The following EME1 variants were observed in gnomAD, a reference collection of about 807,000 sequenced individuals.
The protein encoded by EME1 is essential meiotic structure-specific endonuclease 1.
A neutral mutation model predicts 59.1 loss-of-function variants in EME1; 61 were observed. That is an observed-to-expected ratio of 1.03 (90% confidence interval 0.84 to 1.28). The LOEUF is 1.28. Ranked by LOEUF, EME1 falls within the 50% of genes most tolerant of loss-of-function variation. EME1 has a pLI of 0.00. For synonymous variants in EME1, 230 were observed against 254.2 expected (o/e 0.90, Z 0.90); for missense variants, 635 against 682.6 (o/e 0.93, Z 0.78).
intron 3 of EME1, among the ~76,000 whole-genome samples, chr17:50,377,392 T>A (rs144888788): frequency 1.1e-3 from 160 of 152,280 alleles, no homozygotes; most frequent in African/African-American, 3.6e-3. Flanking sequence ...ACCTACACTT[T>A]GCTGTAATAT....
rs372182317 is a variant in EME1 at position 50,379,464 on chromosome 17, C to A, written c.1243C>A (p.Leu415Met). ...RVDAEEALVD[L>M]QLHTEAQAQI... is the part of the protein sequence containing the mutation. ...TTTGGGTTTCTAGGCATTGGTGGAT[C>A]TGCAGCTACACACAGAAGCCCAGGC... The change falls in exon 7 of 9, where the codon CTG becomes ATG. Residue 415 changes from leucine to methionine, a missense_variant. By Grantham distance (15) the Leu-to-Met change is conservative (BLOSUM62 2). Transcript: ENST00000338165. 1 of 1,614,086 alleles carries A rather than the reference C, an allele frequency of 6.2e-7. No individual in the cohort carries two copies. The highest frequency in any genetic ancestry group is 8.5e-7 in the Non-Finnish European group (1 of 1,180,006).
In EME1 at chr17:50,375,258, CTG is replaced by C; in HGVS notation, c.51_52del (p.Glu18GlyfsTer21). ...TCACTGGATTCTGGTGATAGTGACT[CTG>C]AGGAGTTGCCAACATTTGCCTTTCT... On this transcript the variant is annotated frameshift_variant, in exon 2 of 9. Transcript: ENST00000338165. LOFTEE classifies it high-confidence loss of function. 6.2e-7 allele frequency: 1 copy of C among 1,614,186 alleles called. No homozygotes were observed. Among genetic ancestry groups the C allele is most frequent in the Non-Finnish European group, 8.5e-7 (1 of 1,180,038 alleles).
In EME1 at chr17:50,373,281, A is replaced by G; in HGVS notation, c.-25+4A>G. 6.7e-7 allele frequency: 1 copy of G among 1,485,876 alleles called. No individual in the cohort carries two copies. Among genetic ancestry groups the G allele is most frequent in the African/African-American group, 1.4e-5 (1 of 71,568 alleles). The allele number at this position is 1,485,876 out of a possible 1,614,324, so 92.0% of individuals were successfully genotyped here. A position where few individuals can be genotyped will look rare whatever the true frequency, so the allele number is the denominator to read the frequency against. On this transcript the variant is annotated splice_donor_region_variant and intron_variant, in intron 1 of 8. Coordinates refer to ENST00000338165, the MANE Select transcript of EME1 (RefSeq NM_152463.4). Reference sequence around the variant, plus strand: ...AGAGTGGCGGGAGAAGTTGCAGGTGAGCGTCCCCGGTCGCAGGCCTGCGGA... The same window carrying G: ...AGAGTGGCGGGAGAAGTTGCAGGTGGGCGTCCCCGGTCGCAGGCCTGCGGA...
chr17:50,380,437 G>C lies in EME1; in HGVS notation c.1472G>C (p.Arg491Pro), dbSNP rs767213266. The C allele has an allele frequency of 3.7e-6, 6 of 1,614,220 alleles. No homozygotes were observed. Among genetic ancestry groups the C allele is most frequent in the African/African-American group, 1.3e-5 (1 of 75,058 alleles). ...VWRRQIQQLNRVSLEMASAVV... is the reference protein window; with the variant it reads ...VWRRQIQQLNPVSLEMASAVV... ...AGGAGACAGATTCAGCAGCTGAACC[G>C]AGTCAGCCTGGAAATGGCCAGTGCA... The change falls in exon 8 of 9, where the codon CGA (arginine) becomes CCA (proline). Residue 491 changes from arginine (R) to proline (P), a missense_variant. Arg to Pro is a moderately radical substitution (Grantham distance 103). Transcript: ENST00000338165.
At position 50,373,253 on chromosome 17, in the gene EME1, G is replaced by C. The variant is rs1032917434; in HGVS notation, c.-49G>C. 47 of 1,577,130 alleles carry C rather than the reference G, an allele frequency of 3.0e-5. No individual in the cohort carries two copies. Among genetic ancestry groups the C allele is most frequent in the Middle Eastern group, 3.4e-4 (2 of 5,966 alleles). On this transcript the variant is annotated 5_prime_UTR_variant, in exon 1 of 9. Coordinates refer to ENST00000338165, the MANE Select transcript of EME1 (RefSeq NM_152463.4). ...TACTTCCGGGCCCTGCGTGGCAGTT[G>C]AAAGAGTGGCGGGAGAAGTTGCAGG...
chr17:50,374,521 G>A (rs550372752), intron 1 of EME1, among the ~76,000 whole-genome samples: 5 of 152,194 alleles, frequency 3.3e-5, no homozygotes, highest in East Asian at 1.9e-4. Flanking sequence ...TTATACGCAT[G>A]AGCTACCATG....
At chr17:50,379,342 G>A in intron 6 of EME1, 110 bp from the exon 7 acceptor site, 1 of 1,587,392 alleles carries the variant, frequency 6.3e-7, no homozygotes, top group South Asian at 1.1e-5. Context: ...CTGACTAAGA[G>A]AAGGTACCAA....
intron 1 of EME1, among the ~76,000 whole-genome samples, chr17:50,373,526 T>G (rs1267940733): frequency 6.6e-6 from 1 of 152,252 alleles, no homozygotes; most frequent in Non-Finnish European, 1.5e-5. Context: ...CTTAGCCAGC[T>G]GTGTGCCAGA....
chr17:50,378,294 G>C (rs779805780), intron 3 of EME1, among the ~76,000 whole-genome samples: 3 of 151,402 alleles, frequency 2.0e-5, no homozygotes, highest in Non-Finnish European at 4.4e-5. Flanking sequence ...CTTGATCTCC[G>C]ACCTCGTGAT....
chr17:50,377,517 A>G (rs1266843460), intron 3 of EME1, among the ~76,000 whole-genome samples: 2 of 152,156 alleles, frequency 1.3e-5, no homozygotes, highest in African/African-American at 4.8e-5. Flanking sequence ...GGCATCCTTG[A>G]CTTTGATTAT....
chr17:50,378,411 A>G (rs1197642361), intron 3 of EME1, among the ~76,000 whole-genome samples, 184 bp from the exon 4 acceptor site: 1 of 152,098 alleles, frequency 6.6e-6, no homozygotes, highest in African/African-American at 2.4e-5. Context: ...GGGCACCAAG[A>G]CTGAATCATT....
rs1240704978 is a variant in EME1 at position 50,378,666 on chromosome 17, C to T, written c.975C>T (p.Ile325=). Residue 325 remains isoleucine (I), a synonymous_variant, in exon 4 of 9, where the codon ATC becomes ATT. Coordinates refer to ENST00000338165, the MANE Select transcript of EME1 (RefSeq NM_152463.4). ...LLRAEAFVSM[I]DNGKQGSLDS... is the part of the protein sequence containing the mutation. ...GGGCAGAGGCATTTGTGTCCATGATCGACAATGGAAAGCAGGTGGGCAGAG... is the reference window on the plus strand; with the variant it reads ...GGGCAGAGGCATTTGTGTCCATGATTGACAATGGAAAGCAGGTGGGCAGAG... 2 of 1,614,046 alleles carry T rather than the reference C, an allele frequency of 1.2e-6. No homozygotes were observed. The highest frequency in any genetic ancestry group is 1.1e-5 in the South Asian group (1 of 91,060).
At chr17:50,380,122 A>G in intron 7 of EME1, 190 bp from the exon 8 acceptor site, 1 of 569,430 alleles carries the variant, frequency 1.8e-6, no homozygotes. Flanking sequence ...TAGTTTTTAA[A>G]TGAATCAGCA....
In EME1 at chr17:50,378,861, T is replaced by A; in HGVS notation, c.1078T>A (p.Ser360Thr). The stretch of plus-strand genomic sequence containing the variant: ...AGCAAAGACAGCAGGGAAAGCTCTG[T>A]CACTGGTGATTGTGGATCAGGAGAA... Reference protein sequence around the residue: ...ITAKTAGKALSLVIVDQEKCF... With the variant: ...ITAKTAGKALTLVIVDQEKCF... The change falls in exon 5 of 9, where the codon TCA becomes ACA. Residue 360 changes from serine (S) to threonine (T), a missense_variant. Physicochemically the swap from Ser to Thr is moderately conservative, Grantham distance 58. Coordinates refer to ENST00000338165, the MANE Select transcript of EME1 (RefSeq NM_152463.4). 6.2e-7 allele frequency: 1 copy of A among 1,614,204 alleles called. No individual in the cohort carries two copies. The highest frequency in any genetic ancestry group is 8.5e-7 in the Non-Finnish European group (1 of 1,180,024).
In EME1 at chr17:50,373,596, G is replaced by T. The variant is rs185092875; in HGVS notation, c.-25+319G>T. Among the ~76,000 whole-genome samples, 309 of 152,342 alleles carry T rather than the reference G, an allele frequency of 2.0e-3. 3 individuals carry two copies. The highest frequency in any genetic ancestry group is 7.1e-3 in the African/African-American group (294 of 41,582). On this transcript the variant is annotated intron_variant, in intron 1 of 8. Transcript: ENST00000338165. ...TTAATTCTCACTACCTTATAAAATG[G>T]GTGCTGTTACCATCCCTGTTTTACT...
chr17:50,373,249 A>T lies in EME1; in HGVS notation c.-53A>T, dbSNP rs980576694. 1.3e-6 allele frequency: 2 copies of T among 1,576,374 alleles called. No homozygotes were observed. The highest frequency in any genetic ancestry group is 1.3e-5 in the African/African-American group (1 of 74,240). ...GATCTACTTCCGGGCCCTGCGTGGC[A>T]GTTGAAAGAGTGGCGGGAGAAGTTG... On this transcript the variant is annotated 5_prime_UTR_variant, in exon 1 of 9. Transcript: ENST00000338165.
At chr17:50,380,170 T>C (rs964161810) in intron 7 of EME1, 142 bp from the exon 8 acceptor site, 3 of 772,136 alleles carry the variant, frequency 3.9e-6, no homozygotes, top group Admixed American at 5.8e-5. Context: ...AGCACTCAAA[T>C]TGTCAAAGGC....
intron 3 of EME1, among the ~76,000 whole-genome samples, chr17:50,377,817 A>G (rs1913554235): frequency 1.3e-5 from 2 of 150,936 alleles, no homozygotes; most frequent in Admixed American, 6.6e-5. Context: ...ATGCAATGGC[A>G]TGGTCTCGGC....
chr17:50,380,138 C>A, intron 7 of EME1, 174 bp from the exon 8 acceptor site: 1 of 603,468 alleles, frequency 1.7e-6, no homozygotes. Context: ...CAGCAACTGG[C>A]CCTATACCTG....
Sources: allele counts gnomAD v4.1 joint callset (sites outside exome capture counted in the v4.1 genomes callset), GRCh38; gene constraint gnomAD v4.1.1; transcripts MANE v1.5; gene names NCBI Gene and HGNC (gene_info 2026-07-23, HGNC 2026-07-21).